Variants in MEGF10 observed in about 807,000 individuals in gnomAD.
MEGF10 encodes the protein multiple EGF like domains 10.
A neutral mutation model predicts 147.5 loss-of-function variants in MEGF10; 86 were observed. The observed-to-expected ratio is 0.58, with a 90% confidence interval of 0.49 to 0.70. The LOEUF (loss-of-function observed/expected upper bound fraction) is 0.70, where lower values mean the gene tolerates loss of function less well. Among genes scored for constraint, MEGF10 ranks in the 30% least tolerant of loss-of-function variants. The pLI is 0.00. For missense variants in MEGF10, 1,329 were observed against 1,487.3 expected (o/e 0.89, Z 1.75); for synonymous variants, 478 against 525.5 (o/e 0.91, Z 1.24).
chr5:127,415,968 T>A (rs891735302), intron 9 of MEGF10, among the ~76,000 whole-genome samples: 4 of 151,918 alleles, frequency 2.6e-5, no homozygotes, highest in Non-Finnish European at 4.4e-5. Flanking sequence ...TATGGAAATT[T>A]GGACAATTAG....
the MEGF10 span, among the ~76,000 whole-genome samples, chr5:127,240,343 A>C: frequency 6.6e-6 from 1 of 152,334 alleles, no homozygotes; most frequent in Non-Finnish European, 1.5e-5. Context: ...AGTTGGAATT[A>C]TAATTCTCTG....
rs1001984851 is a variant in MEGF10 at position 127,445,763 on chromosome 5, G to A, written c.2728+70G>A. On this transcript the variant is annotated intron_variant, in intron 20 of 24. Coordinates refer to ENST00000503335, the MANE Select transcript of MEGF10 (RefSeq NM_001256545.2). ...AATTTCATTCGGGTTCTTTAAAACT[G>A]GGTGTTTGGCTGTGCTGTCCATTGT... is the stretch of plus-strand genomic sequence containing the variant. The A allele has an allele frequency of 1.2e-5, 14 of 1,141,936 alleles. No individual in the cohort carries two copies. The African/African-American group carries it at 2.0e-4, about 16-fold the overall frequency. 70.7% of individuals were successfully genotyped at this position (1,141,936 alleles called of 1,614,324 possible). A position where few individuals can be genotyped will look rare whatever the true frequency, so the allele number is the denominator to read the frequency against.
chr5:127,308,749 A>G lies in MEGF10; in HGVS notation c.-19+17693A>G, dbSNP rs1760127420. Among the ~76,000 whole-genome samples, 6 of 152,054 alleles carry G rather than the reference A, an allele frequency of 3.9e-5. No homozygotes were observed. In the South Asian group the frequency reaches 1.2e-3, roughly 32 times the overall value. ...GAAGGGGGAGGGATAGCATTAGGAGATATACCTAATGTTAAATGACGAGTT... is the reference window on the plus strand; with the variant it reads ...GAAGGGGGAGGGATAGCATTAGGAGGTATACCTAATGTTAAATGACGAGTT... On this transcript the variant is annotated intron_variant, in intron 1 of 24. Transcript: ENST00000503335.
chr5:127,394,470 A>T (rs544949994), intron 5 of MEGF10, among the ~76,000 whole-genome samples: 2 of 152,212 alleles, frequency 1.3e-5, no homozygotes, highest in East Asian at 3.9e-4. Context: ...ATACGGAATG[A>T]TTTTTCTTAC....
upstream of MEGF10, among the ~76,000 whole-genome samples, chr5:127,289,986 G>A (rs1759165482): frequency 6.6e-6 from 1 of 152,192 alleles, no homozygotes; most frequent in African/African-American, 2.4e-5. Context: ...GGAAGAGGAA[G>A]ATGGACAGTC....
At chr5:127,371,667 G>A (rs1222731315) in intron 5 of MEGF10, among the ~76,000 whole-genome samples, 1 of 152,170 alleles carries the variant, frequency 6.6e-6, no homozygotes, top group East Asian at 1.9e-4. Flanking sequence ...AAGTGATTGT[G>A]TAAGCAAAAC....
intron 20 of MEGF10, among the ~76,000 whole-genome samples, chr5:127,446,405 T>C (rs575829546): frequency 6.6e-6 from 1 of 152,308 alleles, no homozygotes; most frequent in Admixed American, 6.5e-5. Flanking sequence ...AAGTAGCTGA[T>C]TTACATAGTA....
rs959156845 is a variant in MEGF10 at position 127,460,952 on chromosome 5, T to G, written c.*3634T>G. ...CTGCCCGTTTAGAGTCCTGTTAATA[T>G]TGATGTCCTAACACTGGGTCTGCTT... On this transcript the variant is annotated 3_prime_UTR_variant, in exon 25 of 25. Transcript: ENST00000503335. 2 of 152,198 alleles carry G rather than the reference T, an allele frequency of 1.3e-5. No individual in the cohort carries two copies. The highest frequency in any genetic ancestry group is 6.5e-5 in the Admixed American group (1 of 15,268). The allele number at this position is 152,198 out of a possible 1,614,324, so 9.4% of individuals were successfully genotyped here. A position where few individuals can be genotyped will look rare whatever the true frequency, so the allele number is the denominator to read the frequency against.
At chr5:127,425,093 A>T (rs912389012) in intron 13 of MEGF10, among the ~76,000 whole-genome samples, 3 of 152,164 alleles carry the variant, frequency 2.0e-5, no homozygotes, top group African/African-American at 7.2e-5. Flanking sequence ...ACCTGCTTTG[A>T]TGATTTAGAA....
intron 13 of MEGF10, among the ~76,000 whole-genome samples, chr5:127,423,164 TA>T (rs1190376050): frequency 1.3e-5 from 2 of 152,238 alleles, no homozygotes; most frequent in African/African-American, 4.8e-5. Context: ...ATATGGTGAA[TA>T]TGCATATGCA....
At chr5:127,332,940 A>G (rs1413140634) in intron 2 of MEGF10, among the ~76,000 whole-genome samples, 5 of 152,322 alleles carry the variant, frequency 3.3e-5, no homozygotes, top group African/African-American at 1.2e-4. Flanking sequence ...AATAAGAATC[A>G]ACAGATCTTG....
At chr5:127,380,484 A>C (rs116199820) in intron 5 of MEGF10, among the ~76,000 whole-genome samples, 1 of 151,380 alleles carries the variant, frequency 6.6e-6, no homozygotes, top group African/African-American at 2.4e-5. Context: ...CACCTTGGCT[A>C]TGTGCAGTGT....
At chr5:127,245,658 A>C in the MEGF10 span, among the ~76,000 whole-genome samples, 3 of 152,236 alleles carry the variant, frequency 2.0e-5, no homozygotes, top group Non-Finnish European at 4.4e-5. Context: ...AACTATCATC[A>C]GAGTGAATAG....
At chr5:127,321,292 T>G (rs1760776058) in intron 1 of MEGF10, among the ~76,000 whole-genome samples, 1 of 152,152 alleles carries the variant, frequency 6.6e-6, no homozygotes, top group African/African-American at 2.4e-5. Context: ...TACTATTTCT[T>G]ACACAAGAGC....
In MEGF10 at chr5:127,435,427, G is replaced by A; in HGVS notation, c.2042G>A (p.Cys681Tyr). The change falls in exon 16 of 25, where the codon TGT becomes TAT. Residue 681 changes from cysteine (C) to tyrosine (Y), a missense_variant. By Grantham distance (194) the Cys-to-Tyr change is radical (BLOSUM62 -2). Coordinates refer to ENST00000503335, the MANE Select transcript of MEGF10 (RefSeq NM_001256545.2). ...GICTCTNNGT[C>Y]NPIDRSCQCY... is the part of the protein sequence containing the mutation. ...TGTACCTGCACCAACAACGGAACCT[G>A]TAACCCCATTGACAGATCTTGTCAG... 6.2e-7 allele frequency: 1 copy of A among 1,614,144 alleles called. No individual in the cohort carries two copies.
At chr5:127,310,039 T>C (rs1254474526) in intron 1 of MEGF10, among the ~76,000 whole-genome samples, 145 of 90,774 alleles carry the variant, frequency 1.6e-3, no homozygotes, top group Middle Eastern at 5.9e-3. Context: ...TCTTTCCTTC[T>C]TTCTTTATTT....
At chr5:127,244,824 G>A in the MEGF10 span, among the ~76,000 whole-genome samples, 9 of 151,958 alleles carry the variant, frequency 5.9e-5, no homozygotes, top group East Asian at 7.7e-4. Context: ...TATGACTCAC[G>A]TATACTTTTA....
At position 127,430,278 on chromosome 5, in the gene MEGF10, A is replaced by G. The variant is rs181540856; in HGVS notation, c.1694-3085A>G. 5.9e-5 allele frequency among the ~76,000 whole-genome samples: 9 copies of G among 152,300 alleles called. No individual in the cohort carries two copies. In the East Asian group the frequency reaches 1.5e-3, roughly 26 times the overall value. Reference sequence around the variant, plus strand: ...TTTCCTTTTCTGCCTTTGACAAACAAAGAAACAAAAAGATGTTTTGTAGGA... The same window carrying G: ...TTTCCTTTTCTGCCTTTGACAAACAGAGAAACAAAAAGATGTTTTGTAGGA... On this transcript the variant is annotated intron_variant, in intron 13 of 24. Coordinates refer to ENST00000503335, the MANE Select transcript of MEGF10 (RefSeq NM_001256545.2).
intron 4 of MEGF10, among the ~76,000 whole-genome samples, chr5:127,342,961 T>C (rs1428423166): frequency 6.6e-6 from 1 of 152,112 alleles, no homozygotes; most frequent in Admixed American, 6.6e-5. Flanking sequence ...CTTGATTTCA[T>C]TGCTTCCCCA....
Sources: gnomAD v4.1 joint callset for allele counts (sites outside exome capture counted in the v4.1 genomes callset) on GRCh38, gnomAD v4.1.1 for gene constraint, MANE v1.5 for transcripts, NCBI Gene and HGNC (gene_info 2026-07-23, HGNC 2026-07-21) for gene names.